PEPD: variants seen among roughly 807,000 people sequenced by gnomAD.
PEPD encodes peptidase D, also known as xaa-Pro dipeptidase.
Under a neutral mutation model 60.7 loss-of-function variants are expected in PEPD, and 53 were observed. The ratio of observed to expected loss-of-function variants is 0.87; its 90% CI spans 0.70 to 1.10. The LOEUF is 1.10. Ranked by LOEUF, PEPD falls within the 50% of genes least tolerant of loss-of-function variation. PEPD has a pLI of 0.00. For synonymous variants in PEPD, 267 were observed against 284.1 expected (o/e 0.94, Z 0.60); for missense variants, 711 against 711.9 (o/e 1.00, Z 0.01).
At chr19:33,446,752 G>A (rs1969601465) in intron 9 of PEPD, among the ~76,000 whole-genome samples, 1 of 152,234 alleles carries the variant, frequency 6.6e-6, no homozygotes, top group Non-Finnish European at 1.5e-5. Context: ...TCAGGACCCC[G>A]CACCGAGGGT....
chr19:33,510,903 C>A, intron 3 of PEPD, 125 bp downstream of exon 3: 1 of 1,008,132 alleles, frequency 9.9e-7, no homozygotes, highest in Non-Finnish European at 1.5e-6. Flanking sequence ...ACCGCATGCC[C>A]TTCCTCCTGC....
chr19:33,498,455 C>A (rs1970649291), intron 4 of PEPD, among the ~76,000 whole-genome samples: 1 of 152,222 alleles, frequency 6.6e-6, no homozygotes, highest in African/African-American at 2.4e-5. Flanking sequence ...CCAGAAATCA[C>A]AGTAGACACG....
At chr19:33,513,550 G>A (rs1171140817) in intron 1 of PEPD, among the ~76,000 whole-genome samples, 3 of 152,084 alleles carry the variant, frequency 2.0e-5, no homozygotes, top group Admixed American at 6.5e-5. Context: ...CCCATGTCCC[G>A]TCTGGACAAC....
rs1334886491 is a variant in PEPD, at chr19:33,462,937, G to C, written c.671+58C>G. 2.2e-4 allele frequency: 234 copies of C among 1,056,652 alleles called. 1 individual carries two copies. The highest frequency in any genetic ancestry group is 1.9e-5 in the Non-Finnish European group (13 of 670,756). The allele number at this position is 1,056,652 out of a possible 1,614,324, so 65.5% of individuals were successfully genotyped here. A position where few individuals can be genotyped will look rare whatever the true frequency, so the allele number is the denominator to read the frequency against. ...GCGTCTCATCTGTTACTCACTCAGG[G>C]AACATAAATTACTGTTTTTTACCTT... On this transcript the variant is annotated intron_variant, in intron 9 of 14. Transcript: ENST00000244137.
At chr19:33,439,945 C>T (rs1370329893) in intron 9 of PEPD, among the ~76,000 whole-genome samples, 6 of 152,146 alleles carry the variant, frequency 3.9e-5, no homozygotes, top group East Asian at 3.9e-4. Context: ...CTCGAACCCC[C>T]GGCCTCAAGT....
At chr19:33,491,375 G>A (rs573646229) in intron 5 of PEPD, among the ~76,000 whole-genome samples, 17 of 152,122 alleles carry the variant, frequency 1.1e-4, no homozygotes, top group South Asian at 6.2e-4. Flanking sequence ...GCTTGAACCC[G>A]GGAGGTGGAG....
intron 12 of PEPD, among the ~76,000 whole-genome samples, chr19:33,392,627 C>T (rs910534047): frequency 1.3e-5 from 2 of 152,212 alleles, no homozygotes; most frequent in Non-Finnish European, 2.9e-5. Flanking sequence ...CTGGAGAGGT[C>T]CAGCCCCACC....
At chr19:33,449,330 G>T (rs535465046) in intron 9 of PEPD, among the ~76,000 whole-genome samples, 4 of 152,344 alleles carry the variant, frequency 2.6e-5, no homozygotes, top group South Asian at 4.1e-4. Flanking sequence ...GCCCCGCATG[G>T]TGGGGTCAAT....
chr19:33,464,077 G>C lies in PEPD; in HGVS notation c.549-15C>G, dbSNP rs1195105502. On this transcript the variant is annotated splice_polypyrimidine_tract_variant and intron_variant, in intron 7 of 14. Transcript: ENST00000244137. ...TAAACACTCGGCTTCAGAGACAGAA[G>C]AACAAAGCAGCAAATCAGTGACTTT... 2 of 1,598,554 alleles carry C rather than the reference G, an allele frequency of 1.3e-6. No homozygotes were observed. Among genetic ancestry groups the C allele is most frequent in the Admixed American group, 3.3e-5 (2 of 59,870 alleles).
At chr19:33,424,824 G>A (rs1969106000) in intron 9 of PEPD, among the ~76,000 whole-genome samples, 1 of 152,094 alleles carries the variant, frequency 6.6e-6, no homozygotes, top group African/African-American at 2.4e-5. Context: ...TTACATGGTG[G>A]CAGGGAAGAG....
intron 5 of PEPD, among the ~76,000 whole-genome samples, chr19:33,492,269 G>A (rs543114199): frequency 2.6e-5 from 4 of 152,170 alleles, no homozygotes; most frequent in South Asian, 2.1e-4. Context: ...CCAGGCCCTC[G>A]GTCAGTCACT....
intron 3 of PEPD, 141 bp downstream of exon 3, chr19:33,510,887 G>GCCCTGA (rs1970912972): frequency 8.2e-6 from 7 of 852,702 alleles, no homozygotes; most frequent in Non-Finnish European, 1.3e-5. Context: ...GGCTGTGACA[G>GCCCTGA]CCCTGACCGC....
At chr19:33,463,155 G>C (rs1969960764) in intron 8 of PEPD, 114 bp from the exon 9 acceptor site, 1 of 781,748 alleles carries the variant, frequency 1.3e-6, no homozygotes, top group South Asian at 1.4e-5. Context: ...AGGAAAAAAA[G>C]AATGATATGT....
At chr19:33,413,539 T>A (rs367863842) in intron 10 of PEPD, 36 bp downstream of exon 10, 7 of 1,303,000 alleles carry the variant, frequency 5.4e-6, no homozygotes, top group African/African-American at 1.5e-5. Context: ...CTCCTCCCAC[T>A]GGTCACCCCC....
intron 3 of PEPD, among the ~76,000 whole-genome samples, chr19:33,508,240 G>A (rs1462411277): frequency 6.6e-6 from 1 of 152,158 alleles, no homozygotes; most frequent in African/African-American, 2.4e-5. Flanking sequence ...GGGCAGCCAG[G>A]TCAAAACTGC....
intron 13 of PEPD, among the ~76,000 whole-genome samples, chr19:33,389,378 C>T (rs1428937347): frequency 6.6e-6 from 1 of 152,218 alleles, no homozygotes; most frequent in Non-Finnish European, 1.5e-5. Context: ...TCCCTCTGCG[C>T]AGGTGAGAGG....
At chr19:33,487,992 C>G (rs1400240130) in intron 6 of PEPD, among the ~76,000 whole-genome samples, 2 of 152,098 alleles carry the variant, frequency 1.3e-5, no homozygotes, top group Admixed American at 1.3e-4. Flanking sequence ...CAAGGAGCAG[C>G]TGGCAGAGCT....
intron 9 of PEPD, among the ~76,000 whole-genome samples, chr19:33,414,619 C>T (rs914149346): frequency 1.1e-4 from 14 of 129,790 alleles, no homozygotes; most frequent in South Asian, 2.4e-4. Flanking sequence ...GCAGTCGTTG[C>T]GGCCGCCCAA....
At chr19:33,439,886 G>A (rs540537910) in intron 9 of PEPD, among the ~76,000 whole-genome samples, 49 of 152,286 alleles carry the variant, frequency 3.2e-4, no homozygotes, top group Admixed American at 2.7e-3. Context: ...TTCCAAGAAA[G>A]GTTCTTGTTT....
Sources: gnomAD v4.1 joint callset for allele counts (sites outside exome capture counted in the v4.1 genomes callset) on GRCh38, gnomAD v4.1.1 for gene constraint, MANE v1.5 for transcripts, NCBI Gene and HGNC (gene_info 2026-07-23, HGNC 2026-07-21) for gene names.